The following PITPNB variants were observed in gnomAD, a reference collection of about 807,000 sequenced individuals.
PITPNB encodes phosphatidylinositol transfer protein beta isoform.
In PITPNB, 16 loss-of-function variants were observed where a neutral mutation model predicts 45.9. That is an observed-to-expected ratio of 0.35 (90% CI 0.24 to 0.53). The LOEUF (loss-of-function observed/expected upper bound fraction) is 0.53. Among genes scored for constraint, PITPNB ranks in the 20% least tolerant of loss-of-function variants. The probability of loss-of-function intolerance (pLI) is 0.93; values close to 1 mark genes in which losing one functional copy is unlikely to be tolerated. For missense variants in PITPNB, 188 were observed against 330.5 expected (o/e 0.57, Z 3.34); for synonymous variants, 112 against 108.9 (o/e 1.03, Z -0.18).
At chr22:27,908,277 C>T (rs1935821655) in intron 3 of PITPNB, among the ~76,000 whole-genome samples, 1 of 142,726 alleles carries the variant, frequency 7.0e-6, no homozygotes, top group Admixed American at 6.9e-5. Context: ...TTTAAATCAC[C>T]CATATCCCAC....
intron 8 of PITPNB, among the ~76,000 whole-genome samples, chr22:27,861,820 G>A (rs559190873): frequency 9.9e-5 from 15 of 152,166 alleles, no homozygotes; most frequent in Non-Finnish European, 1.9e-4. Context: ...AGTGTAGTAG[G>A]TGCTTAGTAG....
chr22:27,860,248 G>A lies in PITPNB; in HGVS notation c.535-7C>T, dbSNP rs763852867. 3.2e-6 allele frequency: 5 copies of A among 1,538,712 alleles called. No homozygotes were observed. Among genetic ancestry groups the A allele is most frequent in the South Asian group, 2.3e-5 (2 of 85,974 alleles). On this transcript the variant is annotated splice_region_variant and splice_polypyrimidine_tract_variant and intron_variant, in intron 8 of 11. Transcript: ENST00000335272. The stretch of plus-strand genomic sequence containing the variant: ...GGCTGTTTGCCAGCTCCTTCTAGAT[G>A]AGAAAAATTGAAAAGGAGAAATTAT...
intron 2 of PITPNB, 124 bp from the exon 3 acceptor site, chr22:27,911,233 T>C: frequency 3.3e-6 from 2 of 605,764 alleles, no homozygotes; most frequent in South Asian, 5.0e-5. Context: ...CACAACTGTG[T>C]TCAATATGAA....
chr22:27,903,016 C>T (rs1268194331), intron 3 of PITPNB, among the ~76,000 whole-genome samples: 1 of 151,812 alleles, frequency 6.6e-6, no homozygotes, highest in African/African-American at 2.4e-5. Flanking sequence ...TAGGCAAACA[C>T]CAAAATTAAA....
chr22:27,859,770 G>GGGGA (rs2146348073), intron 9 of PITPNB, among the ~76,000 whole-genome samples: 1 of 152,304 alleles, frequency 6.6e-6, no homozygotes, highest in Admixed American at 6.5e-5. Context: ...AGATGGGGCA[G>GGGGA]GGGAGTCCTT....
chr22:27,864,459 A>C (rs1027904920), intron 8 of PITPNB, among the ~76,000 whole-genome samples: 1 of 152,210 alleles, frequency 6.6e-6, no homozygotes, highest in Admixed American at 6.5e-5. Context: ...GTACCCTGTA[A>C]CCTGGTAATT....
rs772292511 is a variant in PITPNB, at chr22:27,910,917, T to TAA, written c.197+45_197+46dup. The TAA allele has an allele frequency of 5.2e-5, 77 of 1,492,730 alleles. 1 individual carries two copies. The Admixed American group carries it at 1.3e-3, about 24-fold the overall frequency. The allele number at this position is 1,492,730 out of a possible 1,614,324, so 92.5% of individuals were successfully genotyped here. Reference sequence around the variant, plus strand: ...TTAAGTTAGCTAGTTACATGCATCATAAGTAAGCCAGGTAGTTACAAGGCG... The same window carrying TAA: ...TTAAGTTAGCTAGTTACATGCATCATAAAAGTAAGCCAGGTAGTTACAAGGCG... On this transcript the variant is annotated intron_variant, in intron 3 of 11. Coordinates refer to ENST00000335272, the MANE Select transcript of PITPNB (RefSeq NM_012399.5).
chr22:27,914,449 G>GC, intron 1 of PITPNB, 102 bp from the exon 2 acceptor site: 1 of 689,084 alleles, frequency 1.5e-6, no homozygotes, highest in East Asian at 2.9e-5. Context: ...ACAGAGACAG[G>GC]TCTCTTAAAT....
chr22:27,868,210 C>G (rs1181492061), intron 8 of PITPNB, among the ~76,000 whole-genome samples: 1 of 152,170 alleles, frequency 6.6e-6, no homozygotes, highest in Non-Finnish European at 1.5e-5. Flanking sequence ...GAGCACCTCC[C>G]AGTGTTTCTA....
At chr22:27,864,816 T>C (rs139869579) in intron 8 of PITPNB, among the ~76,000 whole-genome samples, 187 of 152,064 alleles carry the variant, frequency 1.2e-3, no homozygotes, top group Non-Finnish European at 2.1e-3. Context: ...CGGGTGCCTA[T>C]AATCCCAGTT....
intron 7 of PITPNB, among the ~76,000 whole-genome samples, chr22:27,886,738 G>C (rs1400223748): frequency 1.3e-5 from 2 of 152,198 alleles, no homozygotes; most frequent in African/African-American, 4.8e-5. Flanking sequence ...GCCCCCACCA[G>C]GTGGAGTTTC....
intron 7 of PITPNB, among the ~76,000 whole-genome samples, chr22:27,885,666 T>C (rs1043524289): frequency 6.6e-6 from 1 of 152,208 alleles, no homozygotes; most frequent in Non-Finnish European, 1.5e-5. Flanking sequence ...TGAGCCACTG[T>C]GTCTGGCCAA....
intron 7 of PITPNB, among the ~76,000 whole-genome samples, chr22:27,878,181 C>A (rs1487701655): frequency 1.3e-5 from 2 of 152,018 alleles, no homozygotes; most frequent in East Asian, 3.8e-4. Flanking sequence ...AAATAAAGCC[C>A]AGGATGGGGA....
At chr22:27,888,159 T>C (rs1051437906) in intron 7 of PITPNB, among the ~76,000 whole-genome samples, 5 of 152,228 alleles carry the variant, frequency 3.3e-5, no homozygotes, top group South Asian at 2.1e-4. Flanking sequence ...TCCCTCCAGG[T>C]TGTCTTGAAA....
At chr22:27,895,714 C>A (rs545521095) in intron 6 of PITPNB, among the ~76,000 whole-genome samples, 1 of 152,202 alleles carries the variant, frequency 6.6e-6, no homozygotes, top group South Asian at 2.1e-4. Context: ...GTAAGAGCAC[C>A]GTAATAGAAC....
At chr22:27,902,635 G>A (rs558999481) in intron 3 of PITPNB, among the ~76,000 whole-genome samples, 1 of 152,194 alleles carries the variant, frequency 6.6e-6, no homozygotes, top group Admixed American at 6.5e-5. Flanking sequence ...ATCTTGGATT[G>A]GGCAATGATT....
intron 1 of PITPNB, among the ~76,000 whole-genome samples, chr22:27,915,329 T>A (rs1449126491): frequency 1.3e-5 from 2 of 152,192 alleles, no homozygotes; most frequent in East Asian, 3.8e-4. Context: ...TTCTTTTTCT[T>A]TTTTTCTTGC....
intron 11 of PITPNB, among the ~76,000 whole-genome samples, chr22:27,854,244 T>A (rs1934109508): frequency 1.3e-5 from 2 of 152,158 alleles, no homozygotes; most frequent in African/African-American, 4.8e-5. Flanking sequence ...TTGATTTTTT[T>A]TTTTTTGCAT....
intron 8 of PITPNB, among the ~76,000 whole-genome samples, chr22:27,873,389 T>G (rs1934725278): frequency 6.6e-6 from 1 of 152,222 alleles, no homozygotes; most frequent in African/African-American, 2.4e-5. Flanking sequence ...CTTGTTCAGT[T>G]TTTAATAAGA....
Sources: allele counts gnomAD v4.1 joint callset (sites outside exome capture counted in the v4.1 genomes callset), GRCh38; gene constraint gnomAD v4.1.1; transcripts MANE v1.5; gene names NCBI Gene and HGNC (gene_info 2026-07-23, HGNC 2026-07-21).